The following ANKS1B variants were observed in gnomAD, a reference collection of about 807,000 sequenced individuals.
ANKS1B encodes the protein ankyrin repeat and sterile alpha motif domain containing 1B.
Under a neutral mutation model 148.3 loss-of-function variants are expected in ANKS1B, and 36 were observed. The observed-to-expected ratio is 0.24, with a 90% CI of 0.19 to 0.32. The LOEUF is 0.32. ANKS1B is among the 10% of genes least tolerant of loss of function. ANKS1B has a pLI of 1.00. For synonymous variants in ANKS1B, 542 were observed against 560.8 expected (o/e 0.97, Z 0.47); for missense variants, 1,157 against 1,542.6 (o/e 0.75, Z 4.19).
At chr12:99,663,700 C>T (rs1422992314) in intron 8 of ANKS1B, among the ~76,000 whole-genome samples, 1 of 147,900 alleles carries the variant, frequency 6.8e-6, no homozygotes, top group Non-Finnish European at 1.5e-5. Flanking sequence ...ATATTTTAAA[C>T]TTGAGGATTT....
At chr12:99,935,250 C>T (rs2094732187) in intron 1 of ANKS1B, among the ~76,000 whole-genome samples, 1 of 150,950 alleles carries the variant, frequency 6.6e-6, no homozygotes, top group Non-Finnish European at 1.5e-5. Context: ...AAGAGAACAC[C>T]TGACTATAGC....
At chr12:99,457,082 C>T (rs1379953678) in intron 10 of ANKS1B, among the ~76,000 whole-genome samples, 2 of 152,012 alleles carry the variant, frequency 1.3e-5, no homozygotes, top group African/African-American at 4.8e-5. Context: ...ATCCTACAAG[C>T]TAGAAGGGAT....
intron 9 of ANKS1B, among the ~76,000 whole-genome samples, chr12:99,590,518 A>G (rs193283222): frequency 4.6e-5 from 7 of 152,354 alleles, no homozygotes; most frequent in Admixed American, 3.9e-4. Flanking sequence ...CACAGCGTAC[A>G]GGATCATAAA....
intron 22 of ANKS1B, among the ~76,000 whole-genome samples, chr12:98,792,747 TC>T (rs1444818987): frequency 6.6e-6 from 1 of 152,226 alleles, no homozygotes; most frequent in African/African-American, 2.4e-5. Flanking sequence ...CATAATGTCT[TC>T]CAGGCTCATC....
chr12:99,861,400 T>C (rs2089995397), intron 1 of ANKS1B, among the ~76,000 whole-genome samples: 1 of 152,212 alleles, frequency 6.6e-6, no homozygotes, highest in Non-Finnish European at 1.5e-5. Flanking sequence ...AAGATATATC[T>C]AGTTACTCTA....
intron 12 of ANKS1B, among the ~76,000 whole-genome samples, chr12:99,367,237 G>A (rs1046242420): frequency 4.6e-5 from 7 of 152,032 alleles, no homozygotes; most frequent in African/African-American, 1.2e-4. Flanking sequence ...TTCAAAATCC[G>A]AATAGAAAAT....
At chr12:99,868,615 T>C (rs192140442) in intron 1 of ANKS1B, among the ~76,000 whole-genome samples, 157 of 152,072 alleles carry the variant, frequency 1.0e-3, no homozygotes, top group African/African-American at 3.6e-3. Flanking sequence ...CAGGTCAAAA[T>C]AGAAAATCAA....
At chr12:99,812,600 A>G (rs1321956734) in intron 2 of ANKS1B, among the ~76,000 whole-genome samples, 1 of 151,088 alleles carries the variant, frequency 6.6e-6, no homozygotes, top group Non-Finnish European at 1.5e-5. Context: ...GCACACATTG[A>G]CTAACCAATT....
At chr12:99,085,177 G>A (rs1032875885) in intron 15 of ANKS1B, 154 bp from the exon 16 acceptor site, 7 of 645,958 alleles carry the variant, frequency 1.1e-5, no homozygotes, top group South Asian at 3.8e-5. Context: ...GGGCAGAGTC[G>A]GTCACCTTGT....
chr12:99,466,432 T>A (rs2096115514), intron 10 of ANKS1B, among the ~76,000 whole-genome samples: 1 of 151,476 alleles, frequency 6.6e-6, no homozygotes, highest in African/African-American at 2.4e-5. Context: ...AAGAAATAAC[T>A]AAAATCAGAG....
chr12:99,684,715 G>A (rs1262648414), intron 8 of ANKS1B, among the ~76,000 whole-genome samples: 1 of 152,068 alleles, frequency 6.6e-6, no homozygotes, highest in African/African-American at 2.4e-5. Flanking sequence ...GCTTGGTACA[G>A]GTATTAAAAA....
intron 17 of ANKS1B, among the ~76,000 whole-genome samples, chr12:98,921,697 T>C (rs755286369): frequency 2.6e-5 from 4 of 152,180 alleles, no homozygotes; most frequent in Non-Finnish European, 5.9e-5. Flanking sequence ...TGCTTTGGCA[T>C]GCTTTGATTA....
At chr12:99,645,421 G>A (rs2098352338) in intron 9 of ANKS1B, among the ~76,000 whole-genome samples, 1 of 152,098 alleles carries the variant, frequency 6.6e-6, no homozygotes, top group South Asian at 2.1e-4. Context: ...TTGTTGTTGG[G>A]AGAGAGGGGG....
At chr12:98,909,442 A>G (rs943277514) in intron 17 of ANKS1B, among the ~76,000 whole-genome samples, 1 of 152,236 alleles carries the variant, frequency 6.6e-6, no homozygotes, top group African/African-American at 2.4e-5. Context: ...GCTAGTAAGC[A>G]GCAAAAACAG....
chr12:99,967,051 A>T (rs1010890528), intron 1 of ANKS1B, among the ~76,000 whole-genome samples: 1 of 152,208 alleles, frequency 6.6e-6, no homozygotes, highest in Non-Finnish European at 1.5e-5. Flanking sequence ...AGGTTAAGAC[A>T]GTGTAAACAA....
intron 12 of ANKS1B, among the ~76,000 whole-genome samples, chr12:99,279,055 C>T (rs544223131): frequency 6.6e-6 from 1 of 152,062 alleles, no homozygotes; most frequent in Non-Finnish European, 1.5e-5. Context: ...CAGAATGGTG[C>T]CTGAAATGGT....
chr12:99,805,109 A>G (rs1386342577), intron 4 of ANKS1B, among the ~76,000 whole-genome samples: 1 of 152,018 alleles, frequency 6.6e-6, no homozygotes, highest in Non-Finnish European at 1.5e-5. Flanking sequence ...TTATTGTGTT[A>G]AGCTATTAAG....
chr12:99,128,772 G>A (rs2065184738), intron 15 of ANKS1B, among the ~76,000 whole-genome samples: 1 of 152,180 alleles, frequency 6.6e-6, no homozygotes, highest in Non-Finnish European at 1.5e-5. Context: ...AGAAAGGAGA[G>A]AGAATATAGA....
intron 17 of ANKS1B, among the ~76,000 whole-genome samples, chr12:98,922,486 G>A (rs1344595936): frequency 6.6e-6 from 1 of 152,058 alleles, no homozygotes; most frequent in East Asian, 1.9e-4. Context: ...TGTTTCTTAA[G>A]GTCTTATTAT....
Sources: gnomAD v4.1 joint callset for allele counts (sites outside exome capture counted in the v4.1 genomes callset) on GRCh38, gnomAD v4.1.1 for gene constraint, MANE v1.5 for transcripts, NCBI Gene and HGNC (gene_info 2026-07-23, HGNC 2026-07-21) for gene names.